Variants in GLIS3 observed in about 807,000 individuals in gnomAD.
GLIS3 encodes the protein GLIS family zinc finger 3.
Under a neutral mutation model 78.6 loss-of-function variants are expected in GLIS3, and 53 were observed. The observed-to-expected ratio is 0.67, with a 90% CI of 0.54 to 0.85. The LOEUF (loss-of-function observed/expected upper bound fraction) is 0.85, where lower values mean the gene tolerates loss of function less well. GLIS3 is among the 40% of genes least tolerant of loss of function. GLIS3 has a pLI of 0.00. For missense variants in GLIS3, 1,703 were observed against 1,231.1 expected (o/e 1.38, Z -5.74); for synonymous variants, 684 against 509.9 (o/e 1.34, Z -4.60).
chr9:4,371,291 T>C, the GLIS3 span, among the ~76,000 whole-genome samples: 1 of 152,160 alleles, frequency 6.6e-6, no homozygotes, highest in Non-Finnish European at 1.5e-5. Flanking sequence ...CATAGTGCAC[T>C]GTAGGGAAAT....
chr9:4,475,564 G>T, the GLIS3 span, among the ~76,000 whole-genome samples: 2 of 152,156 alleles, frequency 1.3e-5, no homozygotes, highest in Non-Finnish European at 2.9e-5. Flanking sequence ...CTGCAGCAGT[G>T]CAAAGGAATC....
intron 2 of GLIS3, among the ~76,000 whole-genome samples, chr9:4,251,164 T>G (rs1824335129): frequency 6.6e-6 from 1 of 152,184 alleles, no homozygotes; most frequent in South Asian, 2.1e-4. Context: ...ATATCCTTGT[T>G]CATTTTCTGT....
chr9:4,402,053 C>T, the GLIS3 span, among the ~76,000 whole-genome samples: 1 of 152,186 alleles, frequency 6.6e-6, no homozygotes, highest in Non-Finnish European at 1.5e-5. Flanking sequence ...TGCCCAGGGC[C>T]TAGGGGAACT....
At chr9:4,159,497 T>A (rs1312762493) in intron 2 of GLIS3, among the ~76,000 whole-genome samples, 1 of 152,098 alleles carries the variant, frequency 6.6e-6, no homozygotes, top group Admixed American at 6.5e-5. Flanking sequence ...GGCAGGTGGA[T>A]CACTTGAGGT....
At chr9:4,310,777 G>A (rs559498891) in intron 2 of GLIS3, among the ~76,000 whole-genome samples, 1 of 152,266 alleles carries the variant, frequency 6.6e-6, no homozygotes, top group East Asian at 1.9e-4. Flanking sequence ...ATGAGGACTT[G>A]ATCAGCACAT....
At chr9:4,189,923 C>G (rs4741909) in intron 2 of GLIS3, among the ~76,000 whole-genome samples, 116,289 of 151,956 alleles carry the variant, frequency 0.77, 44,548 homozygotes, top group South Asian at 0.81. Flanking sequence ...AGGCAAACAG[C>G]GTCTGGAGTG....
intron 4 of GLIS3, among the ~76,000 whole-genome samples, chr9:4,050,461 G>T (rs1243805456): frequency 6.6e-6 from 1 of 152,128 alleles, no homozygotes; most frequent in African/African-American, 2.4e-5. Context: ...GTGGGGGTCT[G>T]GGGGAGGGAT....
At chr9:4,263,591 G>C (rs890812548) in intron 2 of GLIS3, among the ~76,000 whole-genome samples, 1 of 151,972 alleles carries the variant, frequency 6.6e-6, no homozygotes, top group Non-Finnish European at 1.5e-5. Context: ...ATGTTTTAAA[G>C]TTTCTGTCAT....
intron 2 of GLIS3, among the ~76,000 whole-genome samples, chr9:4,231,191 T>C (rs1052459940): frequency 6.6e-6 from 1 of 152,052 alleles, no homozygotes; most frequent in African/African-American, 2.4e-5. Context: ...CAGGTAGATA[T>C]AAAAAACAAT....
chr9:4,292,284 G>A (rs1376538109), intron 1 of GLIS3, among the ~76,000 whole-genome samples: 1 of 152,128 alleles, frequency 6.6e-6, no homozygotes, highest in African/African-American at 2.4e-5. Flanking sequence ...CTATTGGAGT[G>A]CATCAAATAT....
intron 4 of GLIS3, among the ~76,000 whole-genome samples, chr9:4,052,291 C>T (rs976154040): frequency 6.6e-6 from 1 of 152,138 alleles, no homozygotes; most frequent in Non-Finnish European, 1.5e-5. Flanking sequence ...CATAAAGACT[C>T]GTGTCAAACA....
chr9:4,167,734 T>G (rs1815996035), intron 2 of GLIS3, among the ~76,000 whole-genome samples: 2 of 152,230 alleles, frequency 1.3e-5, no homozygotes, highest in South Asian at 4.1e-4. Flanking sequence ...TTCCTTTCAC[T>G]GAACTTTCAC....
At chr9:4,105,372 G>A (rs1245900128) in intron 4 of GLIS3, among the ~76,000 whole-genome samples, 1 of 152,170 alleles carries the variant, frequency 6.6e-6, no homozygotes, top group Non-Finnish European at 1.5e-5. Flanking sequence ...TGCAGCAGGA[G>A]CCTGTCAAGA....
chr9:4,251,104 T>A (rs1203506631), intron 2 of GLIS3, among the ~76,000 whole-genome samples: 3 of 152,212 alleles, frequency 2.0e-5, no homozygotes, highest in African/African-American at 7.2e-5. Flanking sequence ...TGGAGAGTTC[T>A]GTAAATGTCT....
At chr9:4,373,125 A>G in the GLIS3 span, among the ~76,000 whole-genome samples, 3 of 152,234 alleles carry the variant, frequency 2.0e-5, no homozygotes, top group African/African-American at 7.2e-5. Context: ...GCACAGAAAA[A>G]TACGGGCTTT....
Position 4,102,477 on chromosome 9 carries a change from C to T in GLIS3, c.1710+15291G>A, listed in dbSNP as rs555266018. Among the ~76,000 whole-genome samples, 8 of 152,266 alleles carry T rather than the reference C, an allele frequency of 5.3e-5. No homozygotes were observed. In the East Asian group the frequency reaches 7.7e-4, roughly 15 times the overall value. On this transcript the variant is annotated intron_variant, in intron 4 of 10. Coordinates refer to ENST00000381971, the MANE Select transcript of GLIS3 (RefSeq NM_001042413.2). ...CTCAACCAGGGGCAGTTTTTCTCCA[C>T]AGGAGACATACAGCAATGCCTGAAG...
chr9:4,230,485 T>C (rs1183425454), intron 2 of GLIS3, among the ~76,000 whole-genome samples: 4 of 152,024 alleles, frequency 2.6e-5, no homozygotes, highest in Non-Finnish European at 4.4e-5. Flanking sequence ...AAGAAAGCGA[T>C]AGAAAATGAT....
rs750979435 is a variant in GLIS3, at chr9:3,828,346, C to T, written c.2719G>A (p.Asp907Asn). The change falls in exon 11 of 11, where the codon GAT becomes AAT. Residue 907 changes from aspartate to asparagine, a missense_variant. Physicochemically the swap from Asp to Asn is conservative, Grantham distance 23. Coordinates refer to ENST00000381971, the MANE Select transcript of GLIS3 (RefSeq NM_001042413.2). ...GTGCTGATCTGCAAGAAGGTAGCAT[C>T]TTCAGCCCCGCTGCGGAGAGACTCC... Reference protein sequence around the residue: ...FGESLRSGAEDATFLQISTVD... With the variant: ...FGESLRSGAENATFLQISTVD... 6.2e-7 allele frequency: 1 copy of T among 1,614,046 alleles called. No homozygotes were observed. Among genetic ancestry groups the T allele is most frequent in the Admixed American group, 1.7e-5 (1 of 60,034 alleles).
chr9:3,935,770 G>A (rs569169299), intron 5 of GLIS3, among the ~76,000 whole-genome samples: 53 of 151,756 alleles, frequency 3.5e-4, no homozygotes, highest in Middle Eastern at 3.4e-3. Context: ...TTCACCACAT[G>A]TATTCATTTA....
Sources: gnomAD v4.1 joint callset for allele counts (sites outside exome capture counted in the v4.1 genomes callset) on GRCh38, gnomAD v4.1.1 for gene constraint, MANE v1.5 for transcripts, NCBI Gene and HGNC (gene_info 2026-07-23, HGNC 2026-07-21) for gene names.